Variants in CATSPER3 observed in about 807,000 individuals in gnomAD.
CATSPER3 encodes the protein cation channel sperm associated 3, also known as cation channel sperm-associated protein 3.
In CATSPER3, 23 loss-of-function variants were observed where a neutral mutation model predicts 36.6. The ratio of observed to expected loss-of-function variants is 0.63; its 90% CI spans 0.45 to 0.89. The LOEUF is 0.89. Ranked by LOEUF, CATSPER3 falls within the 40% of genes least tolerant of loss-of-function variation. The pLI is 0.00. For synonymous variants in CATSPER3, 172 were observed against 184.1 expected, an observed-to-expected ratio of 0.93 and a Z score of 0.53; for missense variants, 474 against 503.9, an observed-to-expected ratio of 0.94 and a Z score of 0.57.
At position 134,998,170 on chromosome 5, in the gene CATSPER3, T is replaced by G. The variant is rs553537996; in HGVS notation, c.492+1658T>G. On this transcript the variant is annotated intron_variant, in intron 3 of 7. Coordinates refer to ENST00000282611, the MANE Select transcript of CATSPER3 (RefSeq NM_178019.3). ...CACCTATAAGTGAGAATATGCAGTG[T>G]TTGGTTTTCTGTCCTTGTGATAGTT... is the stretch of plus-strand genomic sequence containing the variant. Among the ~76,000 whole-genome samples, 10 of 152,292 alleles carry G rather than the reference T, an allele frequency of 6.6e-5. No homozygotes were observed. In the East Asian group the frequency reaches 1.4e-3, roughly 21 times the overall value.
chr5:134,984,929 C>T (rs1484412141), intron 2 of CATSPER3, among the ~76,000 whole-genome samples: 8 of 152,120 alleles, frequency 5.3e-5, no homozygotes, highest in Non-Finnish European at 1.2e-4. Context: ...AGTGATTCTC[C>T]CGCCTCAGCT....
chr5:135,008,029 T>C lies in CATSPER3; in HGVS notation c.565T>C (p.Tyr189His). 6.2e-7 allele frequency: 1 copy of C among 1,614,144 alleles called. No homozygotes were observed. The highest frequency in any genetic ancestry group is 2.2e-5 in the East Asian group (1 of 44,882). Residue 189 changes from tyrosine (Y) to histidine (H), a missense_variant, in exon 4 of 8, where the codon TAC becomes CAC. Transcript: ENST00000282611. ...SVLLLLFLLM[Y>H]IFAILGFCLF... ...GCTCCTCCTGCTCTTCCTCCTCATG[T>C]ACATCTTCGCTATCTTGGGCTTCTG...
chr5:134,978,502 C>T (rs1451468622), intron 2 of CATSPER3, among the ~76,000 whole-genome samples: 3 of 152,006 alleles, frequency 2.0e-5, no homozygotes, highest in Non-Finnish European at 4.4e-5. Flanking sequence ...TGATTGCAAA[C>T]ATTATACTTA....
intron 6 of CATSPER3, among the ~76,000 whole-genome samples, chr5:135,009,934 G>T (rs1037831035): frequency 3.9e-5 from 6 of 152,202 alleles, no homozygotes; most frequent in Non-Finnish European, 7.3e-5. Flanking sequence ...CCAGGCTGGA[G>T]ATTTTCTGTC....
chr5:134,988,200 A>G (rs561172473), intron 2 of CATSPER3, among the ~76,000 whole-genome samples: 1 of 152,360 alleles, frequency 6.6e-6, no homozygotes, highest in African/African-American at 2.4e-5. Context: ...AAAAATGCCA[A>G]CAATCATCTG....
In CATSPER3 at chr5:134,968,103, A is replaced by C; in HGVS notation, c.98+14A>C. The C allele has an allele frequency of 6.5e-7, 1 of 1,539,780 alleles. No individual in the cohort carries two copies. Among genetic ancestry groups the C allele is most frequent in the Non-Finnish European group, 9.0e-7 (1 of 1,112,406 alleles). ...CAAGAAATTTAAGTAAATATTATCT[A>C]TCTCCATTGCCTGTTAAGAAATGTG... On this transcript the variant is annotated intron_variant, in intron 1 of 7. Transcript: ENST00000282611.
Position 135,008,154 on chromosome 5 carries a change from A to G in CATSPER3, c.675+15A>G. On this transcript the variant is annotated intron_variant, in intron 4 of 7. Transcript: ENST00000282611. ...GCTTGGCCACGGTACTGTGTTTGGGAACAGTGGTGAGGGCAGGGGCCTTAG... is the reference window on the plus strand; with the variant it reads ...GCTTGGCCACGGTACTGTGTTTGGGGACAGTGGTGAGGGCAGGGGCCTTAG... 1 of 1,610,844 alleles carries G rather than the reference A, an allele frequency of 6.2e-7. No individual in the cohort carries two copies. The highest frequency in any genetic ancestry group is 8.5e-7 in the Non-Finnish European group (1 of 1,177,292).
At chr5:134,991,143 C>A (rs563949693) in intron 2 of CATSPER3, among the ~76,000 whole-genome samples, 8 of 152,074 alleles carry the variant, frequency 5.3e-5, no homozygotes, top group Non-Finnish European at 1.0e-4. Context: ...TTAAAGAAGA[C>A]TTGAATAAAT....
chr5:134,984,967 C>T (rs761679533), intron 2 of CATSPER3, among the ~76,000 whole-genome samples: 12 of 152,136 alleles, frequency 7.9e-5, no homozygotes, highest in South Asian at 4.1e-4. Context: ...TACAGGCATA[C>T]GCCACCACGC....
chr5:134,994,018 G>C (rs1751914100), intron 2 of CATSPER3, among the ~76,000 whole-genome samples: 1 of 152,174 alleles, frequency 6.6e-6, no homozygotes, highest in East Asian at 1.9e-4. Flanking sequence ...CCAGCTACCT[G>C]GGAAGCTGAG....
intron 2 of CATSPER3, 72 bp from the exon 3 acceptor site, chr5:134,996,201 C>T (rs761196534): frequency 1.4e-5 from 22 of 1,605,744 alleles, no homozygotes; most frequent in African/African-American, 9.4e-5. Flanking sequence ...CCGGGGCTCA[C>T]GCAGGGAGCA....
At chr5:135,007,514 C>T (rs1752103084) in intron 3 of CATSPER3, among the ~76,000 whole-genome samples, 1 of 152,184 alleles carries the variant, frequency 6.6e-6, no homozygotes, top group African/African-American at 2.4e-5. Context: ...GAGCCACATT[C>T]CTCTCGGCCT....
intron 3 of CATSPER3, among the ~76,000 whole-genome samples, chr5:135,006,444 T>C (rs1370301330): frequency 6.6e-6 from 1 of 152,148 alleles, no homozygotes; most frequent in African/African-American, 2.4e-5. Flanking sequence ...CTGCAGACCA[T>C]ATCTCATCAC....
intron 2 of CATSPER3, among the ~76,000 whole-genome samples, chr5:134,989,666 G>A (rs577874097): frequency 6.6e-6 from 1 of 152,318 alleles, no homozygotes; most frequent in South Asian, 2.1e-4. Context: ...TGGTTTTAAG[G>A]AATGTTGTGG....
At chr5:134,969,667 A>T in intron 1 of CATSPER3, 1 of 472,444 alleles carries the variant, frequency 2.1e-6, no homozygotes, top group Non-Finnish European at 3.9e-6. Flanking sequence ...TGAAGATGAC[A>T]CTTTGTTTTG....
chr5:134,983,920 G>T (rs1394806442), intron 2 of CATSPER3, among the ~76,000 whole-genome samples: 1 of 152,146 alleles, frequency 6.6e-6, no homozygotes, highest in Non-Finnish European at 1.5e-5. Flanking sequence ...TAACAGCATG[G>T]TACTGGTATA....
intron 7 of CATSPER3, 43 bp downstream of exon 7, chr5:135,010,573 C>T (rs774022138): frequency 1.0e-5 from 16 of 1,589,120 alleles, no homozygotes; most frequent in African/African-American, 6.7e-5. Context: ...AGGGCTTCCT[C>T]GAGGTTGGGC....
At chr5:134,996,067 G>A (rs938431660) in intron 2 of CATSPER3, among the ~76,000 whole-genome samples, 3 of 152,232 alleles carry the variant, frequency 2.0e-5, no homozygotes, top group Non-Finnish European at 4.4e-5. Flanking sequence ...CCAGCCCCAG[G>A]TGTAGGGCCA....
intron 3 of CATSPER3, among the ~76,000 whole-genome samples, chr5:135,000,004 C>T (rs1285521480): frequency 1.3e-5 from 2 of 152,110 alleles, no homozygotes; most frequent in Non-Finnish European, 2.9e-5. Flanking sequence ...AAAGGGAATG[C>T]TTCCAGTTTT....
Sources: gnomAD v4.1 joint callset for allele counts (sites outside exome capture counted in the v4.1 genomes callset) on GRCh38, gnomAD v4.1.1 for gene constraint, MANE v1.5 for transcripts, NCBI Gene and HGNC (gene_info 2026-07-23, HGNC 2026-07-21) for gene names.